MGAT5B: variants seen among roughly 807,000 people sequenced by gnomAD.
MGAT5B encodes N-acetylglucosaminyl-transferase Vb.
A neutral mutation model predicts 95.1 loss-of-function variants in MGAT5B; 54 were observed. That is an observed-to-expected ratio of 0.57 (90% CI 0.46 to 0.71). The LOEUF (loss-of-function observed/expected upper bound fraction) is 0.71, where lower values mean the gene tolerates loss of function less well. MGAT5B is among the 30% of genes least tolerant of loss of function. MGAT5B has a pLI of 0.00. For missense variants in MGAT5B, 935 were observed against 1,088.6 expected (o/e 0.86, Z 1.99); for synonymous variants, 464 against 451.0 (o/e 1.03, Z -0.36).
chr17:76,925,928 C>T (rs1969299058), intron 9 of MGAT5B, among the ~76,000 whole-genome samples: 1 of 152,180 alleles, frequency 6.6e-6, no homozygotes, highest in Admixed American at 6.5e-5. Flanking sequence ...CGGAGTTCGT[C>T]TGGCCCTGTG....
intron 3 of MGAT5B, among the ~76,000 whole-genome samples, chr17:76,895,025 A>G (rs901913267): frequency 6.6e-6 from 1 of 152,132 alleles, no homozygotes; most frequent in Non-Finnish European, 1.5e-5. Context: ...CACAGCAGGA[A>G]GTGGGCGGCA....
chr17:76,937,956 G>A (rs1209256750), intron 12 of MGAT5B, 32 bp from the exon 13 acceptor site: 1 of 1,607,954 alleles, frequency 6.2e-7, no homozygotes, highest in Non-Finnish European at 8.5e-7. Flanking sequence ...TGGTTTGCAT[G>A]TGGTTCCCAT....
chr17:76,904,355 G>GC lies in MGAT5B; in HGVS notation c.629dup (p.Leu211AlafsTer133), dbSNP rs1968438318. On this transcript the variant is annotated frameshift_variant, in exon 6 of 18. Coordinates refer to ENST00000569840, the MANE Select transcript of MGAT5B (RefSeq NM_001199172.2). LOFTEE classifies it high-confidence loss of function. ...TACCTCAGTGAGGTCGAGTGGTTCT[G>GC]CCCCCCGCTGCCCTGGAGGAACCAG... 1.9e-6 allele frequency: 3 copies of GC among 1,587,220 alleles called. No individual in the cohort carries two copies. The highest frequency in any genetic ancestry group is 1.1e-5 in the South Asian group (1 of 87,056).
At position 76,879,053 on chromosome 17, in the gene MGAT5B, T is replaced by C. The variant is rs756366750; in HGVS notation, c.182-3098T>C. On this transcript the variant is annotated intron_variant, in intron 2 of 17. Coordinates refer to ENST00000569840, the MANE Select transcript of MGAT5B (RefSeq NM_001199172.2). ...CATGCTGCTGCTGCAGCCTCCACTTTGTTGACTTTCAGGGGCCTCTGCAGC... is the reference window on the plus strand; with the variant it reads ...CATGCTGCTGCTGCAGCCTCCACTTCGTTGACTTTCAGGGGCCTCTGCAGC... Among the ~76,000 whole-genome samples, 29 of 152,180 alleles carry C rather than the reference T, an allele frequency of 1.9e-4. 1 individual carries two copies. The highest frequency in any genetic ancestry group is 7.4e-5 in the Non-Finnish European group (5 of 68,022).
Position 76,905,852 on chromosome 17 carries a change from G to A in MGAT5B, c.856-166G>A, listed in dbSNP as rs150649448. Among the ~76,000 whole-genome samples, 17 of 152,128 alleles carry A rather than the reference G, an allele frequency of 1.1e-4. No individual in the cohort carries two copies. In the East Asian group the frequency reaches 2.5e-3, roughly 22 times the overall value. The stretch of plus-strand genomic sequence containing the variant: ...AAGCACGTGACTATCTTGTTCGCCC[G>A]TGTCCCCAGTGCCCGATCTGGTCAC... On this transcript the variant is annotated intron_variant, in intron 7 of 17. Transcript: ENST00000569840. The surrounding 1 kb of genome is among the most constrained non-coding windows in gnomAD (Gnocchi z 4.2).
In MGAT5B at chr17:76,908,275, C is replaced by CT. The variant is rs5822149; in HGVS notation, c.1025+2105dup. 2.8e-3 allele frequency among the ~76,000 whole-genome samples: 287 copies of CT among 103,028 alleles called. 2 individuals carry two copies. Among genetic ancestry groups the CT allele is most frequent in the Middle Eastern group, 4.8e-3 (1 of 208 alleles). The allele number at this position is 103,028 out of a possible 152,430, so 67.6% of individuals were successfully genotyped here. A position where few individuals can be genotyped will look rare whatever the true frequency, so the allele number is the denominator to read the frequency against. Reference sequence around the variant, plus strand: ...TTTCCTTTCTTTCTCTTTCTTTCTTCTTTTTTTTTTTTTTTTTCAGATAGG... The same window carrying CT: ...TTTCCTTTCTTTCTCTTTCTTTCTTCTTTTTTTTTTTTTTTTTTCAGATAGG... On this transcript the variant is annotated intron_variant, in intron 8 of 17. Coordinates refer to ENST00000569840, the MANE Select transcript of MGAT5B (RefSeq NM_001199172.2).
At chr17:76,904,613 C>T (rs1968451530) in intron 6 of MGAT5B, among the ~76,000 whole-genome samples, 191 bp downstream of exon 6, 1 of 152,236 alleles carries the variant, frequency 6.6e-6, no homozygotes, top group African/African-American at 2.4e-5. Flanking sequence ...CTTTGAGATG[C>T]CACCAAGCTG....
chr17:76,913,212 C>T (rs530455730), intron 8 of MGAT5B, among the ~76,000 whole-genome samples: 2 of 152,346 alleles, frequency 1.3e-5, no homozygotes, highest in East Asian at 3.9e-4. Flanking sequence ...GGAGGATCCC[C>T]AGAGAATGAC....
chr17:76,939,366 C>A (rs1024010702), intron 13 of MGAT5B, among the ~76,000 whole-genome samples: 1 of 151,718 alleles, frequency 6.6e-6, no homozygotes, highest in Non-Finnish European at 1.5e-5. Flanking sequence ...AACAAAAAAT[C>A]AGCTGGGTGT....
intron 15 of MGAT5B, among the ~76,000 whole-genome samples, chr17:76,943,073 C>A (rs532040484): frequency 2.0e-5 from 3 of 151,982 alleles, no homozygotes; most frequent in South Asian, 4.2e-4. Context: ...CGGGGGAGGG[C>A]TGTGTGCATG....
At chr17:76,890,807 G>A (rs549715099) in intron 3 of MGAT5B, among the ~76,000 whole-genome samples, 1 of 152,182 alleles carries the variant, frequency 6.6e-6, no homozygotes, top group African/African-American at 2.4e-5. Flanking sequence ...CCGGCCTCAA[G>A]CATTCATTTC....
chr17:76,902,065 T>C (rs1168498232), intron 3 of MGAT5B, among the ~76,000 whole-genome samples: 1 of 152,082 alleles, frequency 6.6e-6, no homozygotes, highest in Non-Finnish European at 1.5e-5. Context: ...TGTGCAGTTA[T>C]GGGTATGTGT....
intron 6 of MGAT5B, among the ~76,000 whole-genome samples, 168 bp downstream of exon 6, chr17:76,904,590 G>T (rs1162715829): frequency 6.6e-6 from 1 of 152,240 alleles, no homozygotes; most frequent in Non-Finnish European, 1.5e-5. Context: ...GCCTGCCAAG[G>T]CCTGTCTGCC....
rs1970164958 is a variant in MGAT5B, at chr17:76,950,235, C to T, written c.*1397C>T. ...AGTCCCCTCCAGACCTGGCTGGCCC[C>T]TGCAGCCACAGAAACCACGATGGCA... On this transcript the variant is annotated 3_prime_UTR_variant, in exon 18 of 18. Coordinates refer to ENST00000569840, the MANE Select transcript of MGAT5B (RefSeq NM_001199172.2). 6.6e-6 allele frequency: 1 copy of T among 152,662 alleles called. No individual in the cohort carries two copies. Among genetic ancestry groups the T allele is most frequent in the Admixed American group, 6.5e-5 (1 of 15,284 alleles). The allele number at this position is 152,662 out of a possible 1,614,324, so 9.5% of individuals were successfully genotyped here.
At chr17:76,879,629 A>T (rs1967330754) in intron 2 of MGAT5B, among the ~76,000 whole-genome samples, 1 of 152,294 alleles carries the variant, frequency 6.6e-6, no homozygotes, top group East Asian at 1.9e-4. Flanking sequence ...TGTAGAAAGC[A>T]GTGGCCAGGC....
At chr17:76,899,134 C>T (rs11869430) in intron 3 of MGAT5B, among the ~76,000 whole-genome samples, 16,511 of 152,246 alleles carry the variant, frequency 0.11, 1,126 homozygotes, top group East Asian at 0.19. Flanking sequence ...AGGTCCGTTC[C>T]AAAGTCTCTA....
chr17:76,889,781 GC>G lies in MGAT5B; in HGVS notation c.329+7487del, dbSNP rs1402795315. 2.0e-5 allele frequency among the ~76,000 whole-genome samples: 3 copies of G among 152,176 alleles called. No homozygotes were observed. The highest frequency in any genetic ancestry group is 2.9e-5 in the Non-Finnish European group (2 of 68,016). ...GATCCAGGCCTGCACTGTTGTCACA[GC>G]CCCACGGTGCCGAGAGCCGGACCAA... On this transcript the variant is annotated intron_variant, in intron 3 of 17. Transcript: ENST00000569840. This position sits in a 1 kb window ranked among gnomAD's most constrained non-coding sequence, Gnocchi z 4.4.
rs140821668 is a variant in MGAT5B, at chr17:76,927,818, G to A, written c.1291+1088G>A. 4.1e-3 allele frequency among the ~76,000 whole-genome samples: 632 copies of A among 152,330 alleles called. 7 individuals carry two copies. Among genetic ancestry groups the A allele is most frequent in the Admixed American group, 5.3e-3 (81 of 15,304 alleles). ...CTGCCTCCAGCAGCATCTTGCGTGT[G>A]GCTCTTTCAAGGCTCCAGGCCAGAA... On this transcript the variant is annotated intron_variant, in intron 10 of 17. Coordinates refer to ENST00000569840, the MANE Select transcript of MGAT5B (RefSeq NM_001199172.2).
chr17:76,899,479 A>C (rs376959323), intron 3 of MGAT5B, among the ~76,000 whole-genome samples: 4 of 151,700 alleles, frequency 2.6e-5, no homozygotes, highest in Admixed American at 6.6e-5. Context: ...ACAGAAAATT[A>C]AAAAAAAATT....
Sources: allele counts gnomAD v4.1 joint callset (sites outside exome capture counted in the v4.1 genomes callset), GRCh38; gene constraint gnomAD v4.1.1; non-coding constraint Gnocchi (gnomAD v3.1); transcripts MANE v1.5; gene names NCBI Gene and HGNC (gene_info 2026-07-23, HGNC 2026-07-21).